Variants in CRACDL observed in about 807,000 individuals in gnomAD.
CRACDL encodes the protein CRACD like.
A neutral mutation model predicts 70.6 loss-of-function variants in CRACDL; 26 were observed. That is an observed-to-expected ratio of 0.37 (90% confidence interval 0.27 to 0.51). The LOEUF (loss-of-function observed/expected upper bound fraction) is 0.51. Among genes scored for constraint, CRACDL ranks in the 20% least tolerant of loss-of-function variants. The probability of loss-of-function intolerance (pLI) is 0.94; values close to 1 mark genes in which losing one functional copy is unlikely to be tolerated. For missense variants in CRACDL, 1,283 were observed against 1,376.9 expected (o/e 0.93, Z 1.08); for synonymous variants, 618 against 615.2 (o/e 1.00, Z -0.07).
chr2:98,835,631 C>T (rs111360045), intron 3 of CRACDL, among the ~76,000 whole-genome samples: 10 of 152,100 alleles, frequency 6.6e-5, no homozygotes, highest in African/African-American at 2.2e-4. Flanking sequence ...AAAAACAAAA[C>T]CCACTGGCCA....
At chr2:98,893,706 AT>A (rs1307519373) in intron 1 of CRACDL, among the ~76,000 whole-genome samples, 1 of 152,104 alleles carries the variant, frequency 6.6e-6, no homozygotes, top group African/African-American at 2.4e-5. Context: ...TCTGTAGTGT[AT>A]TTTCCCCCAA....
At chr2:98,887,242 G>A (rs547742304) in intron 1 of CRACDL, among the ~76,000 whole-genome samples, 1 of 152,274 alleles carries the variant, frequency 6.6e-6, no homozygotes, top group African/African-American at 2.4e-5. Context: ...AATCCCAGCA[G>A]TTTGGGAAGC....
At chr2:98,899,341 A>C (rs1708206843) in intron 1 of CRACDL, among the ~76,000 whole-genome samples, 1 of 152,254 alleles carries the variant, frequency 6.6e-6, no homozygotes, top group Non-Finnish European at 1.5e-5. Context: ...ACAAAGATAC[A>C]CAAGAGTCCT....
In CRACDL at chr2:98,909,507, G is replaced by A. The variant is rs149866806; in HGVS notation, c.-11+26431C>T. 1.8e-3 allele frequency among the ~76,000 whole-genome samples: 273 copies of A among 152,286 alleles called. 2 individuals are homozygous for A. The highest frequency in any genetic ancestry group is 6.2e-3 in the African/African-American group (258 of 41,550). On this transcript the variant is annotated intron_variant, in intron 1 of 9. Transcript: ENST00000397899. ...CCATGTAATCTGGACCCAAGCAACC[G>A]TCGTCAAACCACTGTTCATGAAATC... is the stretch of plus-strand genomic sequence containing the variant.
chr2:98,840,173 CT>C (rs1235846387), intron 2 of CRACDL, among the ~76,000 whole-genome samples: 1 of 152,104 alleles, frequency 6.6e-6, no homozygotes, highest in Non-Finnish European at 1.5e-5. Flanking sequence ...TCTGTTTTAG[CT>C]GCATCTACGT....
In CRACDL at chr2:98,822,688, A is replaced by C; in HGVS notation, c.1585T>G (p.Ser529Ala). ...ESPPVEPGPG[S>A]LDAEAAAPER... ...GGGGCGGCGGCCTCTGCGTCGAGGG[A>C]ACCGGGGCCGGGCTCCACCGGGGGA... The change falls in exon 7 of 10, where the codon TCC becomes GCC. Residue 529 changes from serine to alanine, a missense_variant. By Grantham distance (99) the Ser-to-Ala change is moderately conservative. Coordinates refer to ENST00000397899, the MANE Select transcript of CRACDL (RefSeq NM_207362.3). This position sits in a 1 kb window ranked among gnomAD's most constrained non-coding sequence, Gnocchi z 4.9. The C allele has an allele frequency of 3.9e-6, 5 of 1,267,692 alleles. No individual in the cohort carries two copies. Among genetic ancestry groups the C allele is most frequent in the Non-Finnish European group, 5.0e-6 (5 of 1,010,012 alleles). 78.5% of individuals were successfully genotyped at this position (1,267,692 alleles called of 1,614,324 possible).
rs184968080 is a variant in CRACDL, at chr2:98,844,887, G to T, written c.70+1844C>A. ...AGAAGCAATATTAATCAAGTTCAAGGGTTGAGGTTCTCTGAATTACCCAAA... is the reference window on the plus strand; with the variant it reads ...AGAAGCAATATTAATCAAGTTCAAGTGTTGAGGTTCTCTGAATTACCCAAA... On this transcript the variant is annotated intron_variant, in intron 2 of 9. Coordinates refer to ENST00000397899, the MANE Select transcript of CRACDL (RefSeq NM_207362.3). Among the ~76,000 whole-genome samples, 714 of 152,308 alleles carry T rather than the reference G, an allele frequency of 4.7e-3. 1 individual carries two copies. The highest frequency in any genetic ancestry group is 0.015 in the African/African-American group (636 of 41,558).
intron 1 of CRACDL, among the ~76,000 whole-genome samples, chr2:98,910,201 A>G (rs371335674): frequency 1.3e-5 from 2 of 152,070 alleles, no homozygotes; most frequent in East Asian, 3.9e-4. Context: ...TGAGAAGAGG[A>G]GACTGTCTCA....
At chr2:98,797,932 C>A (rs1481989795) in intron 7 of CRACDL, among the ~76,000 whole-genome samples, 1 of 152,186 alleles carries the variant, frequency 6.6e-6, no homozygotes, top group African/African-American at 2.4e-5. Flanking sequence ...CACTATTAAT[C>A]TCTTGTCTTC....
intron 7 of CRACDL, among the ~76,000 whole-genome samples, chr2:98,804,150 G>A (rs1223556513): frequency 6.6e-6 from 1 of 152,194 alleles, no homozygotes; most frequent in Non-Finnish European, 1.5e-5. Context: ...GGAACTCAGG[G>A]TGGTAATGCT....
In CRACDL at chr2:98,794,460, A is replaced by G. The variant is rs1703715860; in HGVS notation, c.*72T>C. ...CTTTAAGTTTCACAGTTTGTTTGCC[A>G]CAATACACTGGCAGTTTTTAACTAA... On this transcript the variant is annotated 3_prime_UTR_variant, in exon 10 of 10. Coordinates refer to ENST00000397899, the MANE Select transcript of CRACDL (RefSeq NM_207362.3). 1 of 1,346,388 alleles carries G rather than the reference A, an allele frequency of 7.4e-7. No individual in the cohort carries two copies. Among genetic ancestry groups the G allele is most frequent in the African/African-American group, 1.4e-5 (1 of 69,732 alleles). The allele number at this position is 1,346,388 out of a possible 1,614,324, so 83.4% of individuals were successfully genotyped here.
At chr2:98,934,396 C>T (rs1709157970) in intron 1 of CRACDL, among the ~76,000 whole-genome samples, 1 of 151,984 alleles carries the variant, frequency 6.6e-6, no homozygotes, top group Non-Finnish European at 1.5e-5. Context: ...GGCTTCACCA[C>T]GTTGGCCAGA....
At chr2:98,861,001 T>C (rs1426966455) in intron 1 of CRACDL, among the ~76,000 whole-genome samples, 1 of 152,124 alleles carries the variant, frequency 6.6e-6, no homozygotes, top group Non-Finnish European at 1.5e-5. Flanking sequence ...AGTAGGCAAA[T>C]GAATGGCTAA....
At chr2:98,912,078 G>C (rs931440639) in intron 1 of CRACDL, among the ~76,000 whole-genome samples, 13 of 152,234 alleles carry the variant, frequency 8.5e-5, no homozygotes, top group African/African-American at 2.9e-4. Flanking sequence ...CTAATGAGCA[G>C]AGAGTGACAA....
intron 6 of CRACDL, among the ~76,000 whole-genome samples, chr2:98,826,674 G>A (rs1705315421): frequency 6.6e-6 from 1 of 152,182 alleles, no homozygotes; most frequent in South Asian, 2.1e-4. Flanking sequence ...TGCCAGGCCT[G>A]GAGCGTGGAC....
At chr2:98,917,816 C>T (rs931276854) in intron 1 of CRACDL, among the ~76,000 whole-genome samples, 1 of 152,196 alleles carries the variant, frequency 6.6e-6, no homozygotes, top group Non-Finnish European at 1.5e-5. Context: ...TCTATCATTC[C>T]ACGCTCTATG....
chr2:98,869,085 C>G, intron 1 of CRACDL: 2 of 1,304,114 alleles, frequency 1.5e-6, no homozygotes, highest in Non-Finnish European at 2.0e-6. Flanking sequence ...CACCTGGGGT[C>G]AGGCCTGATG....
intron 1 of CRACDL, among the ~76,000 whole-genome samples, chr2:98,890,167 T>C (rs561118153): frequency 6.6e-6 from 1 of 151,754 alleles, no homozygotes; most frequent in Non-Finnish European, 1.5e-5. Context: ...AGAGAAGAAA[T>C]TAATAAAATT....
intron 1 of CRACDL, among the ~76,000 whole-genome samples, chr2:98,864,732 AGAC>A (rs1351814197): frequency 2.0e-5 from 3 of 152,092 alleles, no homozygotes; most frequent in Non-Finnish European, 2.9e-5. Context: ...TTTTTAGTAG[AGAC>A]GGGGTTTCAC....
Sources: gnomAD v4.1 joint callset for allele counts (sites outside exome capture counted in the v4.1 genomes callset) on GRCh38, gnomAD v4.1.1 for gene constraint, Gnocchi (gnomAD v3.1) non-coding constraint, MANE v1.5 for transcripts, NCBI Gene and HGNC (gene_info 2026-07-23, HGNC 2026-07-21) for gene names.